Variants in SCFD2 observed in about 807,000 individuals in gnomAD.
SCFD2 encodes sec1 family domain containing 2.
In SCFD2, 54 loss-of-function variants were observed where a neutral mutation model predicts 58.9. That is an observed-to-expected ratio of 0.92 (90% CI 0.74 to 1.15). The LOEUF (loss-of-function observed/expected upper bound fraction) is 1.15. Ranked by LOEUF, SCFD2 falls within the 50% of genes most tolerant of loss-of-function variation. The pLI is 0.00. For missense variants in SCFD2, 805 were observed against 836.6 expected (o/e 0.96, Z 0.47); for synonymous variants, 321 against 335.9 (o/e 0.96, Z 0.49).
chr4:53,003,150 A>T (rs1203739780), intron 5 of SCFD2, among the ~76,000 whole-genome samples: 1 of 152,164 alleles, frequency 6.6e-6, no homozygotes, highest in African/African-American at 2.4e-5. Context: ...CACAGATCCA[A>T]ACCAGATCAC....
chr4:52,898,234 A>G (rs1324934874), intron 7 of SCFD2, among the ~76,000 whole-genome samples: 2 of 151,846 alleles, frequency 1.3e-5, no homozygotes. Flanking sequence ...AGTTCTTTTA[A>G]TTGTGATGTT....
At chr4:52,889,588 C>T (rs1358041195) in intron 7 of SCFD2, among the ~76,000 whole-genome samples, 1 of 152,238 alleles carries the variant, frequency 6.6e-6, no homozygotes, top group Non-Finnish European at 1.5e-5. Flanking sequence ...GAACCATTCA[C>T]AGTGGCTTGT....
intron 5 of SCFD2, among the ~76,000 whole-genome samples, chr4:53,038,835 TG>T (rs1722827407): frequency 6.6e-6 from 1 of 152,018 alleles, no homozygotes; most frequent in South Asian, 2.1e-4. Context: ...ACTATAGTCA[TG>T]TACCACAATG....
chr4:52,900,262 T>A (rs1241408808), intron 7 of SCFD2, among the ~76,000 whole-genome samples: 1 of 152,224 alleles, frequency 6.6e-6, no homozygotes, highest in Non-Finnish European at 1.5e-5. Context: ...TGCTCTGTTT[T>A]TTCCCCATCT....
intron 1 of SCFD2, among the ~76,000 whole-genome samples, chr4:53,357,768 AG>A (rs1319679977): frequency 6.6e-6 from 1 of 152,250 alleles, no homozygotes; most frequent in Non-Finnish European, 1.5e-5. Flanking sequence ...GCACTAAAGC[AG>A]CACTGGAGTC....
At chr4:53,223,233 T>TA (rs1729101751) in intron 4 of SCFD2, among the ~76,000 whole-genome samples, 1 of 152,254 alleles carries the variant, frequency 6.6e-6, no homozygotes, top group Non-Finnish European at 1.5e-5. Flanking sequence ...ATTTATTACT[T>TA]AGTCTGAATT....
intron 5 of SCFD2, among the ~76,000 whole-genome samples, chr4:52,931,305 GA>G (rs1438876306): frequency 6.6e-6 from 1 of 152,176 alleles, no homozygotes; most frequent in Non-Finnish European, 1.5e-5. Context: ...AGACTACTTG[GA>G]TCTGGTTGTT....
chr4:53,331,081 C>T (rs1404906596), intron 2 of SCFD2, among the ~76,000 whole-genome samples: 17 of 151,858 alleles, frequency 1.1e-4, no homozygotes, highest in Non-Finnish European at 2.1e-4. Flanking sequence ...TACAGGAGCA[C>T]CGAGATTCAT....
chr4:53,041,174 T>C (rs549172471), intron 5 of SCFD2, among the ~76,000 whole-genome samples: 1 of 152,140 alleles, frequency 6.6e-6, no homozygotes, highest in Admixed American at 6.5e-5. Flanking sequence ...ATTAAAAGGG[T>C]TTATGCAACC....
chr4:53,221,124 T>C (rs908358455), intron 4 of SCFD2, among the ~76,000 whole-genome samples: 1 of 152,184 alleles, frequency 6.6e-6, no homozygotes, highest in Non-Finnish European at 1.5e-5. Context: ...TAGTGCAGTA[T>C]ATACATTATC....
intron 5 of SCFD2, among the ~76,000 whole-genome samples, chr4:53,073,837 T>A (rs1365074155): frequency 6.6e-6 from 1 of 152,170 alleles, no homozygotes; most frequent in Non-Finnish European, 1.5e-5. Flanking sequence ...ATTAAAAATA[T>A]TTATCGCTAA....
chr4:53,325,767 G>T (rs770556023), intron 2 of SCFD2, among the ~76,000 whole-genome samples: 10 of 152,140 alleles, frequency 6.6e-5, no homozygotes, highest in Non-Finnish European at 1.3e-4. Context: ...AGGGGCTAAG[G>T]TTCAGAAAGC....
intron 3 of SCFD2, among the ~76,000 whole-genome samples, chr4:53,312,579 T>C (rs987585520): frequency 1.3e-5 from 2 of 152,202 alleles, no homozygotes; most frequent in African/African-American, 2.4e-5. Context: ...CCCTCAAATA[T>C]AGTTACCTAA....
At chr4:52,937,598 A>G (rs1354074301) in intron 5 of SCFD2, among the ~76,000 whole-genome samples, 5 of 152,202 alleles carry the variant, frequency 3.3e-5, no homozygotes, top group Admixed American at 6.5e-5. Flanking sequence ...AGAAAGCCAC[A>G]TTCTGAAACA....
At chr4:53,100,387 A>C (rs192834014) in intron 5 of SCFD2, among the ~76,000 whole-genome samples, 21 of 152,318 alleles carry the variant, frequency 1.4e-4, no homozygotes, top group Admixed American at 1.4e-3. Flanking sequence ...ATGAAATACT[A>C]AATAAATTAT....
intron 2 of SCFD2, among the ~76,000 whole-genome samples, chr4:53,336,299 T>C (rs1259578033): frequency 6.6e-6 from 1 of 152,104 alleles, no homozygotes; most frequent in Non-Finnish European, 1.5e-5. Flanking sequence ...ACAATCCTGA[T>C]AGAAAAAGAA....
intron 3 of SCFD2, among the ~76,000 whole-genome samples, chr4:53,295,167 A>G (rs1432932004): frequency 1.3e-5 from 2 of 151,996 alleles, no homozygotes; most frequent in East Asian, 3.9e-4. Context: ...TTTTTTTCCA[A>G]TTCTGTGAAG....
chr4:53,308,871 C>T (rs1445089167), intron 3 of SCFD2, among the ~76,000 whole-genome samples: 10 of 152,248 alleles, frequency 6.6e-5, no homozygotes. Flanking sequence ...TGGCTCACGC[C>T]TGTAATCCCA....
At chr4:53,214,097 A>G (rs1258942503) in intron 4 of SCFD2, among the ~76,000 whole-genome samples, 2 of 152,116 alleles carry the variant, frequency 1.3e-5, no homozygotes, top group Non-Finnish European at 2.9e-5. Flanking sequence ...GCTATTGTAA[A>G]TAGTGCCACA....
Sources: gnomAD v4.1 joint callset for allele counts (sites outside exome capture counted in the v4.1 genomes callset) on GRCh38, gnomAD v4.1.1 for gene constraint, MANE v1.5 for transcripts, NCBI Gene and HGNC (gene_info 2026-07-23, HGNC 2026-07-21) for gene names.